The following CCNL2 variants were observed in gnomAD, a reference collection of about 807,000 sequenced individuals.
CCNL2 encodes cyclin L2, also known as cyclin-L2.
A neutral mutation model predicts 59.1 loss-of-function variants in CCNL2; 28 were observed. That is an observed-to-expected ratio of 0.47 (90% confidence interval 0.35 to 0.65). CCNL2 has a LOEUF of 0.65. CCNL2 is among the 30% of genes least tolerant of loss of function. The pLI, the probability that CCNL2 is intolerant of heterozygous loss-of-function variation, is 0.00. For missense variants in CCNL2, 714 were observed against 717.4 expected, an observed-to-expected ratio of 1.00 and a Z score of 0.05; for synonymous variants, 342 against 288.6, an observed-to-expected ratio of 1.19 and a Z score of -1.88.
chr1:1,394,142 C>G (rs796823174), intron 4 of CCNL2, among the ~76,000 whole-genome samples: 11 of 147,778 alleles, frequency 7.4e-5, no homozygotes, highest in African/African-American at 2.7e-4. Flanking sequence ...AAAAAAAAAG[C>G]ACTTCAATCT....
At position 1,395,432 on chromosome 1, in the gene CCNL2, C is replaced by T; in HGVS notation, c.556G>A (p.Glu186Lys). The change falls in exon 4 of 11, where the codon GAG (glutamate) becomes AAG (lysine). Residue 186 changes from glutamate to lysine, a missense_variant. By Grantham distance (56) the Glu-to-Lys change is moderately conservative (BLOSUM62 1). Around this residue, in one of 5 missense-constraint regions of CCNL2, gnomAD observed 270 missense variants for 254.9 expected, o/e 1.06. Coordinates refer to ENST00000400809, the MANE Select transcript of CCNL2 (RefSeq NM_030937.6). ...TTCACATGGACGCAGAAACCCAACTCTTTGAGAACTCGTCTTTCCGCCTTT... is the reference window on the plus strand; with the variant it reads ...TTCACATGGACGCAGAAACCCAACTTTTTGAGAACTCGTCTTTCCGCCTTT... The part of the protein sequence containing the change: ...IIKAERRVLK[E>K]LGFCVHVKHP... The T allele has an allele frequency of 6.2e-7, 1 of 1,614,212 alleles. No individual in the cohort carries two copies. The highest frequency in any genetic ancestry group is 8.5e-7 in the Non-Finnish European group (1 of 1,180,042).
chr1:1,388,579 CTCTCTA>C (rs747785147), intron 8 of CCNL2: 109 of 428,280 alleles, frequency 2.5e-4, no homozygotes, highest in African/African-American at 2.0e-3. Context: ...CTCTCTCTCT[CTCTCTA>C]TATATATATA....
At chr1:1,388,579 CTCTCT>C (rs1557710967) in intron 8 of CCNL2, 1 of 428,196 alleles carries the variant, frequency 2.3e-6, no homozygotes, top group African/African-American at 2.3e-5. Context: ...CTCTCTCTCT[CTCTCT>C]ATATATATAT....
At chr1:1,388,403 C>T in intron 8 of CCNL2, 1 of 408,470 alleles carries the variant, frequency 2.4e-6, no homozygotes, top group South Asian at 1.8e-5. Flanking sequence ...CGCCTGTAGT[C>T]CCAGCTACTC....
chr1:1,393,993 G>T (rs956162333), intron 4 of CCNL2, among the ~76,000 whole-genome samples: 11 of 152,072 alleles, frequency 7.2e-5, no homozygotes, highest in Non-Finnish European at 1.6e-4. Context: ...AGGCATGGTG[G>T]TGCACGCCTG....
At chr1:1,396,487 A>AT (rs1645028861) in intron 3 of CCNL2, among the ~76,000 whole-genome samples, 3 of 151,128 alleles carry the variant, frequency 2.0e-5, no homozygotes, top group Non-Finnish European at 4.4e-5. Flanking sequence ...GCTGGTCTCG[A>AT]ACTCCCGACC....
At chr1:1,391,435 T>C in intron 5 of CCNL2, 2 of 1,214,894 alleles carry the variant, frequency 1.6e-6, no homozygotes, top group Non-Finnish European at 2.1e-6. Flanking sequence ...CTTGAAGGAG[T>C]CCACTTGGAA....
intron 3 of CCNL2, among the ~76,000 whole-genome samples, chr1:1,395,931 A>G (rs965923534): frequency 6.6e-6 from 1 of 152,114 alleles, no homozygotes; most frequent in Non-Finnish European, 1.5e-5. Flanking sequence ...TAATCCCAGC[A>G]CTTTGGGAGG....
intron 1 of CCNL2, 57 bp from the exon 2 acceptor site, chr1:1,398,728 C>A: frequency 6.7e-7 from 1 of 1,490,608 alleles, no homozygotes; most frequent in South Asian, 1.1e-5. Flanking sequence ...CCTTCGCGGC[C>A]GAAAGTCATC....
At chr1:1,391,523 C>G (rs1025261751) in intron 5 of CCNL2, 2 of 1,304,254 alleles carry the variant, frequency 1.5e-6, no homozygotes, top group Admixed American at 2.3e-5. Context: ...AAGGGCAGGC[C>G]TCTTCTCGGG....
intron 5 of CCNL2, chr1:1,392,105 G>A (rs974654319): frequency 5.1e-5 from 9 of 177,022 alleles, no homozygotes; most frequent in South Asian, 3.5e-4. Context: ...CAGGCATCAC[G>A]GGGGAATCTG....
intron 3 of CCNL2, 92 bp downstream of exon 3, chr1:1,398,141 C>G (rs996074397): frequency 8.1e-7 from 1 of 1,227,304 alleles, no homozygotes; most frequent in African/African-American, 1.5e-5. Context: ...GAGCCTCAGG[C>G]CTGTATTGTG....
In CCNL2 at chr1:1,399,207, C is replaced by G. The variant is rs767584204; in HGVS notation, c.100G>C (p.Gly34Arg). The change falls in exon 1 of 11, where the codon GGG becomes CGG. Residue 34 changes from glycine (G) to arginine (R), a missense_variant. Coordinates refer to ENST00000400809, the MANE Select transcript of CCNL2 (RefSeq NM_030937.6). The part of the protein sequence containing the change: ...GSGGAPSGSQ[G>R]VLIGDRLYSG... ...TACAGCCTGTCCCCGATCAGCACCC[C>G]CTGCGACCCTGAGGGTGCGCCCCCA... 1 of 1,606,120 alleles carries G rather than the reference C, an allele frequency of 6.2e-7. No individual in the cohort carries two copies. Among genetic ancestry groups the G allele is most frequent in the Non-Finnish European group, 8.5e-7 (1 of 1,177,442 alleles).
intron 5 of CCNL2, chr1:1,392,151 C>T (rs901074491): frequency 1.8e-5 from 5 of 274,628 alleles, no homozygotes; most frequent in South Asian, 1.3e-4. Context: ...CTGATGCAAG[C>T]GTGCCAGTGC....
At chr1:1,396,744 T>C (rs1217984502) in intron 3 of CCNL2, among the ~76,000 whole-genome samples, 5 of 149,720 alleles carry the variant, frequency 3.3e-5, no homozygotes, top group Admixed American at 2.7e-4. Context: ...CACACCCGGC[T>C]AATTTTTTTT....
At chr1:1,396,836 C>T (rs1276308590) in intron 3 of CCNL2, among the ~76,000 whole-genome samples, 1 of 151,538 alleles carries the variant, frequency 6.6e-6, no homozygotes, top group Non-Finnish European at 1.5e-5. Flanking sequence ...GCAAGCTCCA[C>T]CTCCCGGGTT....
chr1:1,397,121 A>G (rs180760273), intron 3 of CCNL2, among the ~76,000 whole-genome samples: 64 of 152,300 alleles, frequency 4.2e-4, no homozygotes, highest in African/African-American at 1.5e-3. Flanking sequence ...ACCTTAGGTG[A>G]TCCACCTGCC....
chr1:1,391,340 G>A (rs1557718820), intron 5 of CCNL2: 5 of 1,160,252 alleles, frequency 4.3e-6, no homozygotes, highest in Non-Finnish European at 5.4e-6. Context: ...GCTGCTGGGA[G>A]ACAAGCCATC....
intron 3 of CCNL2, among the ~76,000 whole-genome samples, chr1:1,395,765 C>T (rs1268521943): frequency 6.6e-6 from 1 of 152,148 alleles, no homozygotes; most frequent in Non-Finnish European, 1.5e-5. Flanking sequence ...CAAGCATAGA[C>T]CGAACATAGC....
Sources: gnomAD v4.1 joint callset for allele counts (sites outside exome capture counted in the v4.1 genomes callset) on GRCh38, gnomAD v4.1.1 for gene constraint, gnomAD v4.1.1 regional missense constraint, MANE v1.5 for transcripts, NCBI Gene and HGNC (gene_info 2026-07-23, HGNC 2026-07-21) for gene names.